The following TTC12 variants were observed in gnomAD, a reference collection of about 807,000 sequenced individuals.
TTC12 encodes the protein tetratricopeptide repeat protein 12.
In TTC12, 70 loss-of-function variants were observed where a neutral mutation model predicts 90.1. The observed-to-expected ratio is 0.78, with a 90% confidence interval of 0.64 to 0.95. The LOEUF (loss-of-function observed/expected upper bound fraction) is 0.95. Ranked by LOEUF, TTC12 falls within the 40% of genes least tolerant of loss-of-function variation. The probability of loss-of-function intolerance (pLI) is 0.00; values close to 1 mark genes in which losing one functional copy is unlikely to be tolerated. For synonymous variants in TTC12, 296 were observed against 311.5 expected, an observed-to-expected ratio of 0.95 and a Z score of 0.53; for missense variants, 819 against 846.1, an observed-to-expected ratio of 0.97 and a Z score of 0.40.
At chr11:113,364,181 G>A (rs1224932094) in intron 20 of TTC12, among the ~76,000 whole-genome samples, 2 of 152,208 alleles carry the variant, frequency 1.3e-5, no homozygotes, top group Non-Finnish European at 2.9e-5. Flanking sequence ...GTCAAAGCTA[G>A]GAAACTCCCT....
chr11:113,349,329 G>A (rs950827116), intron 13 of TTC12, among the ~76,000 whole-genome samples: 57 of 152,196 alleles, frequency 3.7e-4, no homozygotes, highest in Non-Finnish European at 7.8e-4. Flanking sequence ...CAGGAGCTCA[G>A]TACTGAGCAC....
At chr11:113,338,703 T>G (rs1948512539) in intron 8 of TTC12, 71 bp from the exon 9 acceptor site, 8 of 1,220,736 alleles carry the variant, frequency 6.6e-6, no homozygotes, top group Non-Finnish European at 9.6e-6. Context: ...CCAAGCCCAA[T>G]GACACCCAGT....
intron 21 of TTC12, 56 bp downstream of exon 21, chr11:113,365,116 A>T: frequency 6.5e-7 from 1 of 1,542,302 alleles, no homozygotes; most frequent in Non-Finnish European, 8.9e-7. Context: ...AGCTGAGCTG[A>T]GGTGCTGAGT....
At chr11:113,368,627 G>A (rs45543335), downstream of TTC12, 17,131 of 887,836 alleles carry the variant, frequency 0.019, 211 homozygotes, top group Non-Finnish European at 0.026. Flanking sequence ...ACGTGAGGAC[G>A]GTGGTTCCAG....
chr11:113,326,789 G>A (rs1021665075), intron 6 of TTC12, among the ~76,000 whole-genome samples: 2 of 152,090 alleles, frequency 1.3e-5, no homozygotes, highest in Non-Finnish European at 2.9e-5. Context: ...TGCATTACCC[G>A]AACAAGATTA....
chr11:113,351,697 C>T (rs1475020572), intron 15 of TTC12, among the ~76,000 whole-genome samples: 4 of 152,176 alleles, frequency 2.6e-5, no homozygotes, highest in African/African-American at 7.2e-5. Flanking sequence ...AGGGCTTCTC[C>T]TTGGAGAGTG....
At position 113,316,300 on chromosome 11, in the gene TTC12, A is replaced by G. The variant is rs1591501491; in HGVS notation, c.43A>G (p.Asn15Asp). ...GAAAGATTTGCAGAAATTTCTTAAA[A>G]ATGTGGATGAAATCTGTAAGTACTA... ...KEKDLQKFLK[N>D]VDEISNLIQE... is the part of the protein sequence containing the mutation. Residue 15 changes from asparagine (N) to aspartate (D), a missense_variant, in exon 2 of 22, where the codon AAT becomes GAT. By Grantham distance (23) the Asn-to-Asp change is conservative. Transcript: ENST00000529221. 1 of 1,465,396 alleles carries G rather than the reference A, an allele frequency of 6.8e-7. No homozygotes were observed. The highest frequency in any genetic ancestry group is 2.4e-5 in the East Asian group (1 of 41,058). The allele number at this position is 1,465,396 out of a possible 1,614,324, so 90.8% of individuals were successfully genotyped here.
At chr11:113,367,227 T>C (rs1386754995), downstream of TTC12, among the ~76,000 whole-genome samples, 1 of 152,214 alleles carries the variant, frequency 6.6e-6, no homozygotes, top group Non-Finnish European at 1.5e-5. Context: ...GTACAGTGAA[T>C]GTCAGGAGTC....
intron 13 of TTC12, among the ~76,000 whole-genome samples, chr11:113,345,074 CTTTTATCTTACTAAG>C (rs1555147654): frequency 6.6e-6 from 1 of 152,044 alleles, no homozygotes; most frequent in African/African-American, 2.4e-5. Flanking sequence ...TATTTATTTA[CTTTTATCTTACTAAG>C]TTTTCAGTTT....
intron 10 of TTC12, among the ~76,000 whole-genome samples, chr11:113,339,844 A>G (rs574685989): frequency 6.6e-6 from 1 of 152,086 alleles, no homozygotes; most frequent in East Asian, 1.9e-4. Context: ...ATAAGTACTC[A>G]TGTCAGTCCA....
exon 22 of TTC12, chr11:113,373,192 C>A (rs1950429571): frequency 2.0e-6 from 2 of 985,290 alleles, no homozygotes; most frequent in Non-Finnish European, 2.4e-6. Flanking sequence ...TCAACCACCC[C>A]ACTCCACATG....
chr11:113,315,375 A>T (rs760026312), intron 1 of TTC12, among the ~76,000 whole-genome samples: 1 of 152,196 alleles, frequency 6.6e-6, no homozygotes, highest in Non-Finnish European at 1.5e-5. Context: ...GGAGATGAGG[A>T]CACTGAGACT....
chr11:113,358,626 AGTGGGGATGGCTGTCCCTGGCCATTCTCC>A (rs1949752166), intron 16 of TTC12, among the ~76,000 whole-genome samples: 1 of 152,156 alleles, frequency 6.6e-6, no homozygotes, highest in Non-Finnish European at 1.5e-5. Flanking sequence ...AGTTGAGCCT[AGTGGGGATGGCTGTCCCTGGCCATTCTCC>A]ACTACAGACA....
intron 19 of TTC12, among the ~76,000 whole-genome samples, chr11:113,362,759 A>G (rs1555155773): frequency 6.6e-6 from 1 of 152,214 alleles, no homozygotes. Flanking sequence ...CTCAAGCCTG[A>G]CTTAAAAATA....
intron 12 of TTC12, among the ~76,000 whole-genome samples, chr11:113,343,813 G>T (rs569987712): frequency 6.6e-6 from 1 of 152,164 alleles, no homozygotes; most frequent in African/African-American, 2.4e-5. Flanking sequence ...TAGTTTTCTG[G>T]ATAACATTTC....
At chr11:113,350,002 G>T in intron 13 of TTC12, 71 bp from the exon 14 acceptor site, 5 of 1,279,116 alleles carry the variant, frequency 3.9e-6, no homozygotes, top group Admixed American at 3.5e-5. Flanking sequence ...TGGTTTCCTT[G>T]CAAGGTTACC....
At position 113,319,677 on chromosome 11, in the gene TTC12, G is replaced by A. The variant is rs76082176; in HGVS notation, c.58+3362G>A. ...CAAGAAGAGCCAAGAAAACTCTGCA[G>A]GAAAAAAAAAAAAAGCAGGACAACT... On this transcript the variant is annotated intron_variant, in intron 2 of 21. Transcript: ENST00000529221. Among the ~76,000 whole-genome samples the A allele has an allele frequency of 7.0e-5, 10 of 142,618 alleles. No individual in the cohort carries two copies. The East Asian group carries it at 1.4e-3, about 20-fold the overall frequency. The allele number at this position is 142,618 out of a possible 152,430, so 93.6% of individuals were successfully genotyped here. A position where few individuals can be genotyped will look rare whatever the true frequency, so the allele number is the denominator to read the frequency against.
intron 16 of TTC12, among the ~76,000 whole-genome samples, chr11:113,358,075 C>T (rs2138060625): frequency 6.6e-6 from 1 of 152,284 alleles, no homozygotes; most frequent in African/African-American, 2.4e-5. Flanking sequence ...TTCTCTGTGC[C>T]TCACAAGCAG....
rs782760268 is a variant in TTC12 at position 113,350,167 on chromosome 11, T to C, written c.1247+2T>C. 5.0e-6 allele frequency: 8 copies of C among 1,597,228 alleles called. No homozygotes were observed. Among genetic ancestry groups the C allele is most frequent in the Non-Finnish European group, 6.9e-6 (8 of 1,166,004 alleles). On this transcript the variant is annotated splice_donor_variant, in intron 14 of 21. Coordinates refer to ENST00000529221, the MANE Select transcript of TTC12 (RefSeq NM_017868.4). LOFTEE classifies it high-confidence loss of function. ...CACAGACTTGGCTCTGGAAGAAAGG[T>C]AATTTTTTTATTTATAGAAATTGAC...
Sources: allele counts gnomAD v4.1 joint callset (sites outside exome capture counted in the v4.1 genomes callset), GRCh38; gene constraint gnomAD v4.1.1; transcripts MANE v1.5; gene names NCBI Gene and HGNC (gene_info 2026-07-23, HGNC 2026-07-21).